Variants in GRM1 observed in about 807,000 individuals in gnomAD.
GRM1 encodes the protein glutamate metabotropic receptor 1.
GRM1 carries 33 observed loss-of-function variants against 90.9 expected under a neutral mutation model. The ratio of observed to expected loss-of-function variants is 0.36; its 90% confidence interval spans 0.28 to 0.49. The LOEUF (loss-of-function observed/expected upper bound fraction) is 0.49. GRM1 is among the 20% of genes least tolerant of loss of function. GRM1 has a pLI of 0.99. For synonymous variants in GRM1, 700 were observed against 613.2 expected (o/e 1.14, Z -2.09); for missense variants, 1,190 against 1,534.3 (o/e 0.78, Z 3.75).
intron 3 of GRM1, among the ~76,000 whole-genome samples, chr6:146,347,822 A>G (rs1463204202): frequency 6.6e-6 from 1 of 152,160 alleles, no homozygotes; most frequent in African/African-American, 2.4e-5. Context: ...TAACTGATAA[A>G]CAAAAGACAT....
At chr6:146,390,895 G>GA (rs1398177505) in intron 6 of GRM1, among the ~76,000 whole-genome samples, 1 of 151,952 alleles carries the variant, frequency 6.6e-6, no homozygotes, top group Non-Finnish European at 1.5e-5. Context: ...TCCCTGGGAA[G>GA]AAAAAAGCCT....
intron 6 of GRM1, among the ~76,000 whole-genome samples, chr6:146,391,374 C>A (rs1173561901): frequency 6.6e-6 from 1 of 152,034 alleles, no homozygotes. Context: ...TCTGTAATAA[C>A]CCTAACCATA....
chr6:146,220,541 C>T (rs184617124), intron 2 of GRM1, among the ~76,000 whole-genome samples: 299 of 152,266 alleles, frequency 2.0e-3, no homozygotes, highest in Non-Finnish European at 3.3e-3. Flanking sequence ...TTATCTTCAT[C>T]TGTAGATTAA....
chr6:146,270,948 CCTTCCTTT>C (rs1300819927), intron 2 of GRM1, among the ~76,000 whole-genome samples: 7,056 of 120,768 alleles, frequency 0.058, 467 homozygotes, highest in African/African-American at 0.1. Context: ...TTCCTTCCTT[CCTTCCTTT>C]CTTTCTTTCT....
intron 1 of GRM1, among the ~76,000 whole-genome samples, chr6:146,131,720 G>A (rs1200769992): frequency 6.6e-6 from 1 of 152,108 alleles, no homozygotes. Context: ...GCACTGTTCT[G>A]GACAAAGGTG....
chr6:146,043,796 T>TATATATATATAGATAG lies in GRM1; in HGVS notation c.700+13590_700+13591insGATAGATATATATATA, dbSNP rs1554260531. On this transcript the variant is annotated intron_variant, in intron 1 of 7. Transcript: ENST00000282753. ...AAGAGTCAGGTGATATATATATATA[T>TATATATATATAGATAG]ATATATATATATATAAAGGGAAGTG... 1.7e-3 allele frequency among the ~76,000 whole-genome samples: 228 copies of TATATATATATAGATAG among 137,942 alleles called. 2 individuals carry two copies. Among genetic ancestry groups the TATATATATATAGATAG allele is most frequent in the East Asian group, 6.4e-3 (31 of 4,828 alleles). The allele number at this position is 137,942 out of a possible 152,430, so 90.5% of individuals were successfully genotyped here. A position where few individuals can be genotyped will look rare whatever the true frequency, so the allele number is the denominator to read the frequency against.
chr6:146,188,042 TC>T (rs1195547073), intron 2 of GRM1, among the ~76,000 whole-genome samples: 1 of 152,184 alleles, frequency 6.6e-6, no homozygotes, highest in Non-Finnish European at 1.5e-5. Context: ...TATGTTTATC[TC>T]TGCACATAAT....
At chr6:146,240,360 T>A (rs766713695) in intron 2 of GRM1, among the ~76,000 whole-genome samples, 8 of 135,494 alleles carry the variant, frequency 5.9e-5, no homozygotes, top group Non-Finnish European at 8.2e-5. Flanking sequence ...TGTGGAGAGG[T>A]TAAGGGAACC....
intron 1 of GRM1, among the ~76,000 whole-genome samples, chr6:146,072,991 A>G (rs1025769759): frequency 1.3e-5 from 2 of 152,126 alleles, no homozygotes; most frequent in Non-Finnish European, 2.9e-5. Flanking sequence ...CTGAATATGT[A>G]TACTCAGATG....
intron 4 of GRM1, among the ~76,000 whole-genome samples, chr6:146,356,596 T>C (rs1310721282): frequency 6.6e-6 from 1 of 152,196 alleles, no homozygotes; most frequent in African/African-American, 2.4e-5. Context: ...ATAGGACATA[T>C]GCATTTGTCC....
intron 3 of GRM1, among the ~76,000 whole-genome samples, chr6:146,330,567 T>G (rs1784554291): frequency 6.6e-6 from 1 of 152,198 alleles, no homozygotes; most frequent in Admixed American, 6.5e-5. Context: ...AAAAAAAATC[T>G]TTTTCTCTTC....
At chr6:146,091,427 G>T (rs189433415) in intron 1 of GRM1, among the ~76,000 whole-genome samples, 1 of 152,210 alleles carries the variant, frequency 6.6e-6, no homozygotes, top group African/African-American at 2.4e-5. Context: ...TAGGTGGAAG[G>T]TTGGGAACAG....
At chr6:146,273,588 C>T (rs936613403) in intron 2 of GRM1, among the ~76,000 whole-genome samples, 2 of 152,206 alleles carry the variant, frequency 1.3e-5, no homozygotes, top group Non-Finnish European at 2.9e-5. Flanking sequence ...CTTACAAGTT[C>T]TAAGTGATGC....
In GRM1 at chr6:146,030,156, G is replaced by A. The variant is rs142813841; in HGVS notation, c.639G>A (p.Arg213=). Residue 213 remains arginine, a synonymous_variant, in exon 1 of 8, where the codon AGG becomes AGA. Transcript: ENST00000282753. The stretch of plus-strand genomic sequence containing the variant: ...TCCCTTCTGACACTTTGCAGGCAAG[G>A]GCCATGCTTGACATAGTCAAACGTT... The part of the protein sequence containing the change: ...RVVPSDTLQA[R]AMLDIVKRYN... 1.2e-6 allele frequency: 2 copies of A among 1,614,086 alleles called. No individual in the cohort carries two copies. Among genetic ancestry groups the A allele is most frequent in the African/African-American group, 1.3e-5 (1 of 75,036 alleles).
At chr6:146,177,201 A>G (rs1041270566) in intron 2 of GRM1, among the ~76,000 whole-genome samples, 3 of 152,114 alleles carry the variant, frequency 2.0e-5, no homozygotes, top group African/African-American at 7.2e-5. Context: ...CCTTTAGTCC[A>G]TTGTTTCAAT....
intron 1 of GRM1, among the ~76,000 whole-genome samples, chr6:146,135,140 A>T (rs938917183): frequency 6.6e-6 from 1 of 152,212 alleles, no homozygotes; most frequent in African/African-American, 2.4e-5. Flanking sequence ...TTAATTCTTA[A>T]TGATAACCCT....
intron 2 of GRM1, among the ~76,000 whole-genome samples, chr6:146,215,347 T>G (rs1338492612): frequency 6.6e-6 from 1 of 152,198 alleles, no homozygotes; most frequent in African/African-American, 2.4e-5. Flanking sequence ...GTATTTCTCT[T>G]TTTTTGTCTT....
At chr6:146,374,530 G>A (rs370644157) in intron 5 of GRM1, among the ~76,000 whole-genome samples, 2 of 151,946 alleles carry the variant, frequency 1.3e-5, no homozygotes, top group Non-Finnish European at 2.9e-5. Flanking sequence ...GTTTTATTAC[G>A]GCTTCAATCT....
rs1233037883 is a variant in GRM1 at position 146,029,817 on chromosome 6, C to A, written c.300C>A (p.Thr100=). The change falls in exon 1 of 8, where the codon ACC becomes ACA. Residue 100 remains threonine, a synonymous_variant. Transcript: ENST00000282753. ...ACCCGGTCCTCCTGCCCAACATCACCCTGGGCAGTGAGATCCGGGACTCCT... is the reference window on the plus strand; with the variant it reads ...ACCCGGTCCTCCTGCCCAACATCACACTGGGCAGTGAGATCCGGGACTCCT... The part of the protein sequence containing the change: ...NADPVLLPNI[T]LGSEIRDSCW... 6.2e-7 allele frequency: 1 copy of A among 1,614,072 alleles called. No homozygotes were observed. The highest frequency in any genetic ancestry group is 8.5e-7 in the Non-Finnish European group (1 of 1,179,974).
Sources: gnomAD v4.1 joint callset for allele counts (sites outside exome capture counted in the v4.1 genomes callset) on GRCh38, gnomAD v4.1.1 for gene constraint, MANE v1.5 for transcripts, NCBI Gene and HGNC (gene_info 2026-07-23, HGNC 2026-07-21) for gene names.